The following ODAD3 variants were observed in gnomAD, a reference collection of about 807,000 sequenced individuals.
ODAD3 encodes the protein outer dynein arm-docking complex subunit 3.
Under a neutral mutation model 70.9 loss-of-function variants are expected in ODAD3, and 57 were observed. The observed-to-expected ratio is 0.80, with a 90% CI of 0.65 to 1.00. ODAD3 has a LOEUF of 1.00. ODAD3 is among the 50% of genes least tolerant of loss of function. The pLI, the probability that ODAD3 is intolerant of heterozygous loss-of-function variation, is 0.00. For missense variants in ODAD3, 797 were observed against 763.9 expected (o/e 1.04, Z -0.51); for synonymous variants, 327 against 315.9 (o/e 1.04, Z -0.37).
chr19:11,423,469 G>A (rs1434782832), intron 8 of ODAD3, among the ~76,000 whole-genome samples: 1 of 152,188 alleles, frequency 6.6e-6, no homozygotes, highest in African/African-American at 2.4e-5. Context: ...GAGGGACCCG[G>A]CGCAGGGACC....
intron 11 of ODAD3, 69 bp downstream of exon 11, chr19:11,421,608 G>C: frequency 6.5e-7 from 1 of 1,533,050 alleles, no homozygotes. Context: ...AGTTGCCCCC[G>C]GTTCCCTGGT....
Position 11,422,122 on chromosome 19 carries a change from G to C in ODAD3, c.1435-290C>G, listed in dbSNP as rs541878606. Among the ~76,000 whole-genome samples, 1 of 152,334 alleles carries C rather than the reference G, an allele frequency of 6.6e-6. No homozygotes were observed. Among genetic ancestry groups the C allele is most frequent in the African/African-American group, 2.4e-5 (1 of 41,580 alleles). On this transcript the variant is annotated intron_variant, in intron 10 of 12. Coordinates refer to ENST00000356392, the MANE Select transcript of ODAD3 (RefSeq NM_145045.5). The surrounding 1 kb of genome is among the most constrained non-coding windows in gnomAD (Gnocchi z 4.6). Reference sequence around the variant, plus strand: ...TCCTGAAGAAATGGCCCTCTGCTGCGGGCAGGATAGGTCTTCTGTCTCGGG... The same window carrying C: ...TCCTGAAGAAATGGCCCTCTGCTGCCGGCAGGATAGGTCTTCTGTCTCGGG...
rs143192349 is a variant in ODAD3 at position 11,431,011 on chromosome 19, C to T, written c.254G>A (p.Arg85Gln). The T allele has an allele frequency of 5.4e-3, 8,656 of 1,614,066 alleles. 35 individuals carry two copies. The highest frequency in any genetic ancestry group is 7.7e-3 in the South Asian group (705 of 91,070). The change falls in exon 2 of 13, where the codon CGG becomes CAG. Residue 85 changes from arginine (R) to glutamine (Q), a missense_variant. Transcript: ENST00000356392. ...CTGAGAGCTCTCAAAAAAAGCCTTC[C>T]GGTCACCCTCTGGCAGGCAGGTGAG... ...HKKIQLLEGD[R>Q]KAFFESSQWN...
At chr19:11,431,174 C>T (rs1455294115) in intron 1 of ODAD3, 154 bp from the exon 2 acceptor site, 6 of 938,926 alleles carry the variant, frequency 6.4e-6, no homozygotes, top group Non-Finnish European at 7.8e-6. Flanking sequence ...TGCAATGGTG[C>T]AATCTCGGCT....
chr19:11,428,153 C>T (rs1034017609), intron 3 of ODAD3, among the ~76,000 whole-genome samples: 3 of 151,858 alleles, frequency 2.0e-5, no homozygotes, highest in South Asian at 2.1e-4. Context: ...TCAGGCTGGT[C>T]GCGAATTCCT....
At chr19:11,430,505 G>T (rs1969479611) in intron 3 of ODAD3, 194 bp downstream of exon 3, 3 of 605,166 alleles carry the variant, frequency 5.0e-6, no homozygotes, top group Admixed American at 2.9e-5. Flanking sequence ...TGGAGACTTG[G>T]TCTGCTTTTT....
rs1243168773 is a variant in ODAD3 at position 11,425,586 on chromosome 19, T to C, written c.963+558A>G. Among the ~76,000 whole-genome samples the C allele has an allele frequency of 2.8e-5, 4 of 141,440 alleles. 1 individual carries two copies. The highest frequency in any genetic ancestry group is 5.7e-5 in the African/African-American group (2 of 34,976). 92.8% of individuals were successfully genotyped at this position (141,440 alleles called of 152,430 possible). ...ATGTGTGTATGTATGTATATATGTATGTATATGTGTATATATGTGTGTGTA... is the reference window on the plus strand; with the variant it reads ...ATGTGTGTATGTATGTATATATGTACGTATATGTGTATATATGTGTGTGTA... On this transcript the variant is annotated intron_variant, in intron 7 of 12. Coordinates refer to ENST00000356392, the MANE Select transcript of ODAD3 (RefSeq NM_145045.5).
chr19:11,426,865 G>A lies in ODAD3; in HGVS notation c.612+8C>T, dbSNP rs368905235. The A allele has an allele frequency of 3.2e-5, 51 of 1,609,864 alleles. 1 individual carries two copies. In the Middle Eastern group the frequency reaches 6.6e-4, roughly 21 times the overall value. ...ACCCTCTGCCCTGCAGGCCTCACCC[G>A]CCCCTACCTTGGCCACCTCCGTGTG... On this transcript the variant is annotated splice_region_variant and intron_variant, in intron 4 of 12. Transcript: ENST00000356392.
chr19:11,430,551 A>G (rs532731361), intron 3 of ODAD3, 148 bp downstream of exon 3: 2 of 772,100 alleles, frequency 2.6e-6, no homozygotes, highest in South Asian at 1.6e-5. Context: ...TGCCAGATAC[A>G]AGGAAAGTGA....
chr19:11,425,533 ATG>A lies in ODAD3; in HGVS notation c.963+609_963+610del, dbSNP rs1165793712. 5.7e-3 allele frequency among the ~76,000 whole-genome samples: 815 copies of A among 143,406 alleles called. 13 individuals carry two copies. The highest frequency in any genetic ancestry group is 9.5e-3 in the South Asian group (45 of 4,726). 94.1% of individuals were successfully genotyped at this position (143,406 alleles called of 152,430 possible). Reference sequence around the variant, plus strand: ...TGTGTATATATGTATATATGTATATATGTGTGTATGTATGTATATATGTATAT... The same window carrying A: ...TGTGTATATATGTATATATGTATATATGTGTATGTATGTATATATGTATAT... On this transcript the variant is annotated intron_variant, in intron 7 of 12. Coordinates refer to ENST00000356392, the MANE Select transcript of ODAD3 (RefSeq NM_145045.5).
chr19:11,425,307 G>A (rs530360061), intron 7 of ODAD3, among the ~76,000 whole-genome samples: 1,195 of 110,194 alleles, frequency 0.011, 117 homozygotes, highest in African/African-American at 0.04. Flanking sequence ...ATATGTGTAT[G>A]TGTACATATG....
rs747949941 is a variant in ODAD3 at position 11,430,775 on chromosome 19, C to T, written c.368G>A (p.Gly123Glu). Residue 123 changes from glycine (G) to glutamate (E), a missense_variant and splice_region_variant, in exon 3 of 13, where the codon GGA (glycine) becomes GAA (glutamate). By Grantham distance (98) the Gly-to-Glu change is moderately conservative. Transcript: ENST00000356392. ...CACTGCCTGGACCACTTTCTCATCT[C>T]CCTGCAAGGAGGGAAGTCCAGTCAC... Reference protein sequence around the residue: ...LELKLLDLLKGDEKVVQAVIR... With the variant: ...LELKLLDLLKEDEKVVQAVIR... The T allele has an allele frequency of 6.2e-6, 10 of 1,614,018 alleles. No homozygotes were observed. The Admixed American group carries it at 1.7e-4, about 27-fold the overall frequency.
upstream of ODAD3, chr19:11,435,227 T>A (rs1465379244): frequency 2.9e-6 from 4 of 1,403,332 alleles, no homozygotes; most frequent in East Asian, 2.6e-5. Context: ...GTTCCGTGGC[T>A]GACACTGCGT....
At chr19:11,424,888 C>T (rs1182866244) in intron 7 of ODAD3, among the ~76,000 whole-genome samples, 2 of 95,766 alleles carry the variant, frequency 2.1e-5, no homozygotes, top group Non-Finnish European at 3.7e-5. Context: ...TGTATATATA[C>T]CTATGTGTAT....
Position 11,420,852 on chromosome 19 carries a change from G to A in ODAD3, c.1771C>T (p.Arg591Cys), listed in dbSNP as rs1969113771. ...KLIESHKKHR[R>C]SRRS ...GGACGAGTCTAGGACCTCCGAGAGCGACGGTGCTTCTTGTGACTTTCGATT... is the reference window on the plus strand; with the variant it reads ...GGACGAGTCTAGGACCTCCGAGAGCAACGGTGCTTCTTGTGACTTTCGATT... Residue 591 changes from arginine to cysteine, a missense_variant, in exon 13 of 13, where the codon CGC becomes TGC. Arg to Cys is a radical substitution (Grantham distance 180). Transcript: ENST00000356392. 8 of 1,613,872 alleles carry A rather than the reference G, an allele frequency of 5.0e-6. No individual in the cohort carries two copies. The highest frequency in any genetic ancestry group is 6.8e-6 in the Non-Finnish European group (8 of 1,179,956).
chr19:11,421,968 G>T lies in ODAD3; in HGVS notation c.1435-136C>A, dbSNP rs554429133. On this transcript the variant is annotated intron_variant, in intron 10 of 12. Coordinates refer to ENST00000356392, the MANE Select transcript of ODAD3 (RefSeq NM_145045.5). Reference sequence around the variant, plus strand: ...CCTGCAGGGTCGATCCTAGCCATTGGGGGCGGGGACTTAGGTCAAGGCCAC... The same window carrying T: ...CCTGCAGGGTCGATCCTAGCCATTGTGGGCGGGGACTTAGGTCAAGGCCAC... 114 of 940,308 alleles carry T rather than the reference G, an allele frequency of 1.2e-4. No individual in the cohort carries two copies. The African/African-American group carries it at 1.8e-3, about 15-fold the overall frequency. The allele number at this position is 940,308 out of a possible 1,614,324, so 58.2% of individuals were successfully genotyped here.
intron 8 of ODAD3, among the ~76,000 whole-genome samples, chr19:11,423,124 G>A (rs1969180925): frequency 6.6e-6 from 1 of 152,240 alleles, no homozygotes; most frequent in Admixed American, 6.5e-5. Context: ...AACTGGAGAG[G>A]CGAGCATAGC....
intron 7 of ODAD3, among the ~76,000 whole-genome samples, chr19:11,424,240 A>T (rs956301801): frequency 6.6e-6 from 1 of 152,060 alleles, no homozygotes; most frequent in African/African-American, 2.4e-5. Flanking sequence ...GCTGTGGCTC[A>T]CGCCTTTAAT....
Position 11,424,985 on chromosome 19 carries a change from A to G in ODAD3, c.964-956T>C, listed in dbSNP as rs949897090. ...TGTGTATATATGTATATATGTGTAT[A>G]TGTACATATGTGTATATGTATATAT... On this transcript the variant is annotated intron_variant, in intron 7 of 12. Transcript: ENST00000356392. 3.8e-5 allele frequency among the ~76,000 whole-genome samples: 5 copies of G among 131,712 alleles called. 1 individual carries two copies. The highest frequency in any genetic ancestry group is 6.5e-5 in the African/African-American group (2 of 30,838). 86.4% of individuals were successfully genotyped at this position (131,712 alleles called of 152,430 possible).
Sources: gnomAD v4.1 joint callset for allele counts (sites outside exome capture counted in the v4.1 genomes callset) on GRCh38, gnomAD v4.1.1 for gene constraint, Gnocchi (gnomAD v3.1) non-coding constraint, MANE v1.5 for transcripts, NCBI Gene and HGNC (gene_info 2026-07-23, HGNC 2026-07-21) for gene names.